The following ADCK1 variants were observed in gnomAD, a reference collection of about 807,000 sequenced individuals.
The protein encoded by ADCK1 is aarF domain-containing protein kinase 1.
ADCK1 carries 41 observed loss-of-function variants against 52.3 expected under a neutral mutation model. The observed-to-expected ratio is 0.78, with a 90% CI of 0.61 to 1.02. ADCK1 has a LOEUF of 1.02. ADCK1 is among the 50% of genes least tolerant of loss of function. The probability of loss-of-function intolerance (pLI) is 0.00; values close to 1 mark genes in which losing one functional copy is unlikely to be tolerated. For synonymous variants in ADCK1, 250 were observed against 274.6 expected, an observed-to-expected ratio of 0.91 and a Z score of 0.89; for missense variants, 658 against 679.5, an observed-to-expected ratio of 0.97 and a Z score of 0.35.
chr14:77,932,214 A>G (rs967872974), intron 10 of ADCK1, among the ~76,000 whole-genome samples: 2 of 151,842 alleles, frequency 1.3e-5, no homozygotes, highest in African/African-American at 4.8e-5. Context: ...ATATCCAGCT[A>G]ATTTTTATAT....
chr14:77,844,733 G>C (rs1279643643), intron 3 of ADCK1, among the ~76,000 whole-genome samples: 1 of 152,250 alleles, frequency 6.6e-6, no homozygotes, highest in Non-Finnish European at 1.5e-5. Context: ...TCTACTTGGA[G>C]TTGGGGCTAG....
At chr14:77,927,810 G>T (rs1024493354) in intron 9 of ADCK1, among the ~76,000 whole-genome samples, 1 of 152,238 alleles carries the variant, frequency 6.6e-6, no homozygotes, top group Non-Finnish European at 1.5e-5. Flanking sequence ...GGAGGACGGT[G>T]GGATGAGAAG....
intron 1 of ADCK1, among the ~76,000 whole-genome samples, chr14:77,806,411 C>T (rs914083276): frequency 3.3e-5 from 5 of 152,088 alleles, no homozygotes; most frequent in South Asian, 2.1e-4. Context: ...GAGTCAACTA[C>T]GGCAAATTTT....
At chr14:77,919,789 G>C (rs1231024846) in intron 7 of ADCK1, among the ~76,000 whole-genome samples, 1 of 152,148 alleles carries the variant, frequency 6.6e-6, no homozygotes, top group African/African-American at 2.4e-5. Flanking sequence ...TCAGGAGTAA[G>C]GTGGTATTGC....
At chr14:77,931,317 T>C (rs769216069) in intron 9 of ADCK1, among the ~76,000 whole-genome samples, 3 of 152,304 alleles carry the variant, frequency 2.0e-5, no homozygotes, top group Non-Finnish European at 2.9e-5. Flanking sequence ...GATATCCCCT[T>C]CCGGGTTTGT....
At chr14:77,874,697 C>T (rs76636876) in intron 4 of ADCK1, among the ~76,000 whole-genome samples, 2,220 of 152,250 alleles carry the variant, frequency 0.015, 52 homozygotes, top group African/African-American at 0.051. Flanking sequence ...ATTTAGTGCG[C>T]TTCTGTGTGC....
rs116508125 is a variant in ADCK1, at chr14:77,933,681, G to A, written c.*290G>A. On this transcript the variant is annotated 3_prime_UTR_variant, in exon 11 of 11. Transcript: ENST00000238561. ...TGGGTTGGATGTCCCCACTACTTCC[G>A]TTAACCCTTCCCATTGTCAAGATGT... is the stretch of plus-strand genomic sequence containing the variant. 2.4e-3 allele frequency: 884 copies of A among 363,002 alleles called. 10 individuals carry two copies. Among genetic ancestry groups the A allele is most frequent in the African/African-American group, 0.016 (775 of 49,784 alleles). The allele number at this position is 363,002 out of a possible 1,614,324, so 22.5% of individuals were successfully genotyped here. A position where few individuals can be genotyped will look rare whatever the true frequency, so the allele number is the denominator to read the frequency against.
intron 9 of ADCK1, among the ~76,000 whole-genome samples, chr14:77,930,921 A>G (rs546327153): frequency 1.8e-4 from 27 of 151,900 alleles, no homozygotes; most frequent in African/African-American, 6.0e-4. Flanking sequence ...CCAGACCCCA[A>G]ACTTAAAGAC....
chr14:77,824,791 G>T (rs1170375216), intron 3 of ADCK1, among the ~76,000 whole-genome samples: 2 of 152,016 alleles, frequency 1.3e-5, no homozygotes, highest in Admixed American at 6.6e-5. Flanking sequence ...TCCAAATAAG[G>T]TAGATATATT....
At chr14:77,813,329 A>G (rs1359475400) in intron 1 of ADCK1, among the ~76,000 whole-genome samples, 2 of 149,962 alleles carry the variant, frequency 1.3e-5, no homozygotes, top group African/African-American at 4.9e-5. Flanking sequence ...ATTTTTTTGG[A>G]GATGGAGTTG....
At chr14:77,886,941 C>T (rs982682206) in intron 4 of ADCK1, 150 bp from the exon 5 acceptor site, 48 of 563,568 alleles carry the variant, frequency 8.5e-5, no homozygotes, top group South Asian at 5.4e-4. Context: ...CACACACACA[C>T]GCACAACACA....
chr14:77,832,306 C>T (rs755698593), intron 3 of ADCK1, among the ~76,000 whole-genome samples: 14 of 152,172 alleles, frequency 9.2e-5, no homozygotes, highest in Non-Finnish European at 2.1e-4. Flanking sequence ...CTTACATCCC[C>T]AGCAGGTGTG....
At chr14:77,806,582 GTTC>G (rs896426036) in intron 1 of ADCK1, among the ~76,000 whole-genome samples, 27 of 152,244 alleles carry the variant, frequency 1.8e-4, no homozygotes, top group African/African-American at 5.5e-4. Context: ...CTTTCGTGGA[GTTC>G]TTCTTTATCC....
intron 1 of ADCK1, among the ~76,000 whole-genome samples, chr14:77,814,426 G>GAA (rs113468969): frequency 0.087 from 12,557 of 145,052 alleles, 636 homozygotes; most frequent in African/African-American, 0.14. Flanking sequence ...TCTCTTTACT[G>GAA]AAAAAAAAAA....
At chr14:77,878,152 G>A (rs552162427) in intron 4 of ADCK1, among the ~76,000 whole-genome samples, 8 of 152,326 alleles carry the variant, frequency 5.3e-5, no homozygotes, top group Admixed American at 3.3e-4. Context: ...CTGTAACTCC[G>A]GAGGCTGGTG....
chr14:77,876,013 C>CT (rs1255030804), intron 4 of ADCK1, among the ~76,000 whole-genome samples: 1 of 152,194 alleles, frequency 6.6e-6, no homozygotes, highest in Non-Finnish European at 1.5e-5. Flanking sequence ...GAGCGTAACA[C>CT]TAGTGCTGTA....
Position 77,925,961 on chromosome 14 carries a change from G to A in ADCK1, c.1206G>A (p.Glu402=). 1 of 1,613,880 alleles carries A rather than the reference G, an allele frequency of 6.2e-7. No homozygotes were observed. The highest frequency in any genetic ancestry group is 8.5e-7 in the Non-Finnish European group (1 of 1,180,048). ...GCCAAGCTCCCGTCACTGCCACTGAGGTAGGGGGCCCCTCCAGGCCCTGCC... is the reference window on the plus strand; with the variant it reads ...GCCAAGCTCCCGTCACTGCCACTGAAGTAGGGGGCCCCTCCAGGCCCTGCC... ...GISQAPVTAT[E]DLEIRNNAAN... The change falls in exon 9 of 11, where the codon GAG becomes GAA. Residue 402 remains glutamate (E), a splice_region_variant and synonymous_variant. Coordinates refer to ENST00000238561, the MANE Select transcript of ADCK1 (RefSeq NM_020421.4).
At chr14:77,850,052 A>T (rs868648536) in intron 3 of ADCK1, among the ~76,000 whole-genome samples, 19 of 152,134 alleles carry the variant, frequency 1.2e-4, no homozygotes, top group African/African-American at 4.3e-4. Flanking sequence ...AAAAAATTTT[A>T]AAAAATTACC....
intron 3 of ADCK1, among the ~76,000 whole-genome samples, chr14:77,849,884 C>G (rs994383299): frequency 6.6e-6 from 1 of 152,118 alleles, no homozygotes; most frequent in African/African-American, 2.4e-5. Context: ...CTTTATGACT[C>G]AGAATGTGGT....
Sources: allele counts gnomAD v4.1 joint callset (sites outside exome capture counted in the v4.1 genomes callset), GRCh38; gene constraint gnomAD v4.1.1; transcripts MANE v1.5; gene names NCBI Gene and HGNC (gene_info 2026-07-23, HGNC 2026-07-21).